KCNH7: variants seen among roughly 807,000 people sequenced by gnomAD.
KCNH7 encodes the protein potassium voltage-gated channel subfamily H member 7, also known as voltage-gated inwardly rectifying potassium channel KCNH7.
Under a neutral mutation model 120.8 loss-of-function variants are expected in KCNH7, and 49 were observed. The observed-to-expected ratio is 0.41, with a 90% CI of 0.32 to 0.51. KCNH7 has a LOEUF of 0.51. KCNH7 is among the 20% of genes least tolerant of loss of function. The pLI is 0.38. For missense variants in KCNH7, 1,097 were observed against 1,446.6 expected, an observed-to-expected ratio of 0.76 and a Z score of 3.92; for synonymous variants, 547 against 516.1, an observed-to-expected ratio of 1.06 and a Z score of -0.81.
At chr2:162,772,338 C>T (rs1185944066) in intron 2 of KCNH7, among the ~76,000 whole-genome samples, 1 of 152,058 alleles carries the variant, frequency 6.6e-6, no homozygotes, top group Non-Finnish European at 1.5e-5. Context: ...AAGGAATTTT[C>T]CTGTACCCTC....
chr2:162,491,997 C>G (rs1189920583), intron 6 of KCNH7, among the ~76,000 whole-genome samples: 2 of 152,224 alleles, frequency 1.3e-5, no homozygotes, highest in South Asian at 2.1e-4. Flanking sequence ...GTTAAGATCC[C>G]CAAACTTTAA....
chr2:162,631,214 C>G (rs892788214), intron 2 of KCNH7, among the ~76,000 whole-genome samples: 6 of 152,118 alleles, frequency 3.9e-5, no homozygotes, highest in African/African-American at 1.4e-4. Context: ...GGTTCTGCTG[C>G]ACTTTCACCA....
rs561011378 is a variant in KCNH7, at chr2:162,599,913, A to G, written c.308-62833T>C. On this transcript the variant is annotated intron_variant, in intron 2 of 15. Coordinates refer to ENST00000332142, the MANE Select transcript of KCNH7 (RefSeq NM_033272.4). ...TAGGTAACAACCAGCACTGGGCTCA[A>G]TTCATCCATTTCAAACTTGAATTTG... is the stretch of plus-strand genomic sequence containing the variant. Among the ~76,000 whole-genome samples, 15 of 152,222 alleles carry G rather than the reference A, an allele frequency of 9.9e-5. No homozygotes were observed. The South Asian group carries it at 3.1e-3, about 32-fold the overall frequency.
At chr2:162,528,213 GA>G (rs1477438872) in intron 3 of KCNH7, 2 of 151,984 alleles carry the variant, frequency 1.3e-5, no homozygotes, top group Non-Finnish European at 2.9e-5. Context: ...CTATATGGAA[GA>G]AAATAAAATG....
intron 12 of KCNH7, among the ~76,000 whole-genome samples, chr2:162,386,039 G>C (rs546335858): frequency 1.3e-5 from 2 of 151,964 alleles, no homozygotes; most frequent in East Asian, 3.9e-4. Flanking sequence ...TTCATGTTTT[G>C]TCAATTAAAG....
At chr2:162,754,380 G>T (rs1391886242) in intron 2 of KCNH7, among the ~76,000 whole-genome samples, 1 of 151,392 alleles carries the variant, frequency 6.6e-6, no homozygotes, top group Non-Finnish European at 1.5e-5. Context: ...GGATAGGGAG[G>T]GTATAAAAAT....
chr2:162,825,576 A>G (rs1006146148), intron 2 of KCNH7, among the ~76,000 whole-genome samples: 1 of 152,080 alleles, frequency 6.6e-6, no homozygotes, highest in African/African-American at 2.4e-5. Context: ...TACTTCTAGG[A>G]CTATTTAGTA....
chr2:162,600,838 C>G (rs1304969678), intron 2 of KCNH7, among the ~76,000 whole-genome samples: 3 of 151,828 alleles, frequency 2.0e-5, no homozygotes, highest in Admixed American at 6.6e-5. Context: ...GTAGTTTTTA[C>G]CTGGAGTACC....
chr2:162,647,634 C>T (rs140022489), intron 2 of KCNH7, among the ~76,000 whole-genome samples: 1 of 152,182 alleles, frequency 6.6e-6, no homozygotes, highest in East Asian at 1.9e-4. Context: ...AATGAAAGTT[C>T]CCTAACACGA....
intron 2 of KCNH7, among the ~76,000 whole-genome samples, chr2:162,819,700 G>C (rs748536864): frequency 9.2e-5 from 14 of 152,098 alleles, no homozygotes; most frequent in Non-Finnish European, 2.1e-4. Flanking sequence ...TAGTTTGGAG[G>C]CAGGACAATA....
At position 162,446,247 on chromosome 2, in the gene KCNH7, C is replaced by T. The variant is rs751933154; in HGVS notation, c.1325G>A (p.Arg442Gln). Reference sequence around the variant, plus strand: ...AGGGCTACAAGAATAGCCACATTCTCGTCTTTTCTGTTCTTCTCTGTCATT... The same window carrying T: ...AGGGCTACAAGAATAGCCACATTCTTGTCTTTTCTGTTCTTCTCTGTCATT... ...LLNDREEQKRRECGYSCSPLN... is the reference protein window; with the variant it reads ...LLNDREEQKRQECGYSCSPLN... Residue 442 changes from arginine (R) to glutamine (Q), a missense_variant, in exon 7 of 16, where the codon CGA (arginine) becomes CAA (glutamine). Around this residue, in one of 8 missense-constraint regions of KCNH7, gnomAD observed 109 missense variants for 196.8 expected, o/e 0.55. Coordinates refer to ENST00000332142, the MANE Select transcript of KCNH7 (RefSeq NM_033272.4). The T allele has an allele frequency of 3.1e-6, 5 of 1,613,680 alleles. No individual in the cohort carries two copies. Among genetic ancestry groups the T allele is most frequent in the South Asian group, 1.1e-5 (1 of 91,056 alleles).
At chr2:162,630,303 G>T (rs1345569419) in intron 2 of KCNH7, among the ~76,000 whole-genome samples, 1 of 152,020 alleles carries the variant, frequency 6.6e-6, no homozygotes, top group East Asian at 1.9e-4. Context: ...GGTTCAAAAT[G>T]CAATTCTGGG....
At chr2:162,730,882 A>C (rs1687702851) in intron 2 of KCNH7, among the ~76,000 whole-genome samples, 1 of 152,142 alleles carries the variant, frequency 6.6e-6, no homozygotes, top group Non-Finnish European at 1.5e-5. Flanking sequence ...AAGCAGAAAG[A>C]AAACAGAAAG....
chr2:162,680,107 C>G (rs1685663003), intron 2 of KCNH7, among the ~76,000 whole-genome samples: 1 of 151,410 alleles, frequency 6.6e-6, no homozygotes, highest in South Asian at 2.1e-4. Context: ...TGTGCTGATT[C>G]ACTTTGAAGG....
At chr2:162,484,472 A>C (rs1319628321) in intron 6 of KCNH7, among the ~76,000 whole-genome samples, 1 of 152,118 alleles carries the variant, frequency 6.6e-6, no homozygotes, top group African/African-American at 2.4e-5. Flanking sequence ...TTTTCCTCCA[A>C]AATTGCTACA....
At chr2:162,809,715 T>C (rs1214504449) in intron 2 of KCNH7, among the ~76,000 whole-genome samples, 1 of 152,138 alleles carries the variant, frequency 6.6e-6, no homozygotes, top group Non-Finnish European at 1.5e-5. Flanking sequence ...CATGTAAACA[T>C]TTCTAGATAT....
intron 6 of KCNH7, among the ~76,000 whole-genome samples, chr2:162,474,737 G>A (rs1017236872): frequency 1.3e-5 from 2 of 152,158 alleles, no homozygotes. Flanking sequence ...TTGCTGGAAG[G>A]CTCACATAAG....
intron 2 of KCNH7, among the ~76,000 whole-genome samples, chr2:162,731,228 ATATATG>A (rs965591046): frequency 1.2e-4 from 17 of 137,114 alleles, no homozygotes; most frequent in East Asian, 4.1e-4. Flanking sequence ...ACATATATAT[ATATATG>A]TGTGTGTGTG....
At chr2:162,395,141 G>T (rs1686872801) in intron 11 of KCNH7, among the ~76,000 whole-genome samples, 2 of 151,642 alleles carry the variant, frequency 1.3e-5, no homozygotes, top group East Asian at 1.9e-4. Flanking sequence ...TATTGGTAAG[G>T]CTTCTAATAA....
Sources: gnomAD v4.1 joint callset for allele counts (sites outside exome capture counted in the v4.1 genomes callset) on GRCh38, gnomAD v4.1.1 for gene constraint, gnomAD v4.1.1 regional missense constraint, MANE v1.5 for transcripts, NCBI Gene and HGNC (gene_info 2026-07-23, HGNC 2026-07-21) for gene names.